The following UBQLN1 variants were observed in gnomAD, a reference collection of about 807,000 sequenced individuals.
The protein encoded by UBQLN1 is ubiquilin 1, also known as ubiquilin-1.
A neutral mutation model predicts 65.4 loss-of-function variants in UBQLN1; 13 were observed. The observed-to-expected ratio is 0.20, with a 90% CI of 0.13 to 0.32. The LOEUF (loss-of-function observed/expected upper bound fraction) is 0.32, where lower values mean the gene tolerates loss of function less well. UBQLN1 is among the 10% of genes least tolerant of loss of function. The pLI, the probability that UBQLN1 is intolerant of heterozygous loss-of-function variation, is 1.00. For missense variants in UBQLN1, 561 were observed against 724.0 expected, an observed-to-expected ratio of 0.77 and a Z score of 2.58; for synonymous variants, 267 against 247.8, an observed-to-expected ratio of 1.08 and a Z score of -0.73.
intron 4 of UBQLN1, among the ~76,000 whole-genome samples, chr9:83,679,531 T>C (rs1354472638): frequency 6.6e-6 from 1 of 152,208 alleles, no homozygotes; most frequent in Non-Finnish European, 1.5e-5. Context: ...ATTTCCCATC[T>C]CCAGCATTGG....
intron 1 of UBQLN1, among the ~76,000 whole-genome samples, chr9:83,694,595 G>A (rs774984461): frequency 3.3e-5 from 5 of 152,158 alleles, no homozygotes; most frequent in South Asian, 2.1e-4. Context: ...TTAGTGTATC[G>A]TTCAGAAAAT....
chr9:83,682,808 A>C (rs1831965771), intron 3 of UBQLN1, 143 bp downstream of exon 3: 1 of 474,278 alleles, frequency 2.1e-6, no homozygotes, highest in African/African-American at 2.0e-5. Flanking sequence ...TAATATCTAC[A>C]ATTATAGGAA....
At chr9:83,675,162 A>AC (rs1430369871) in intron 6 of UBQLN1, among the ~76,000 whole-genome samples, 4 of 152,186 alleles carry the variant, frequency 2.6e-5, no homozygotes, top group African/African-American at 9.6e-5. Flanking sequence ...GACATGCCTA[A>AC]CCACACAGAA....
chr9:83,677,278 T>C (rs1254648568), intron 6 of UBQLN1, among the ~76,000 whole-genome samples: 1 of 152,070 alleles, frequency 6.6e-6, no homozygotes, highest in African/African-American at 2.4e-5. Flanking sequence ...AAAAACAAAA[T>C]GTGACCAGGT....
intron 1 of UBQLN1, among the ~76,000 whole-genome samples, chr9:83,688,981 A>G (rs1832085198): frequency 6.6e-6 from 1 of 152,234 alleles, no homozygotes; most frequent in Admixed American, 6.5e-5. Context: ...TTTAAAGTAT[A>G]CGATTCAATG....
At chr9:83,673,660 T>G (rs747076117) in intron 6 of UBQLN1, among the ~76,000 whole-genome samples, 2 of 151,810 alleles carry the variant, frequency 1.3e-5, no homozygotes, top group African/African-American at 4.8e-5. Flanking sequence ...GAAAACTATA[T>G]GAAATTCAAA....
chr9:83,683,761 G>A (rs1398697943), intron 2 of UBQLN1, among the ~76,000 whole-genome samples: 1 of 152,098 alleles, frequency 6.6e-6, no homozygotes, highest in African/African-American at 2.4e-5. Context: ...GGTGGCTCAC[G>A]CCTGTAATCC....
Position 83,707,925 on chromosome 9 carries a change from C to T in UBQLN1, c.-246G>A. ...GTGTTCAGGCGCCGCTCGCTCACAC[C>T]GACATCCGCAGCAGCCACCGCTTCC... On this transcript the variant is annotated 5_prime_UTR_variant, in exon 1 of 11. Transcript: ENST00000376395. The T allele has an allele frequency of 3.8e-6, 2 of 519,608 alleles. No homozygotes were observed. Among genetic ancestry groups the T allele is most frequent in the Non-Finnish European group, 6.6e-6 (2 of 304,780 alleles). The allele number at this position is 519,608 out of a possible 1,614,324, so 32.2% of individuals were successfully genotyped here. A position where few individuals can be genotyped will look rare whatever the true frequency, so the allele number is the denominator to read the frequency against.
intron 1 of UBQLN1, among the ~76,000 whole-genome samples, chr9:83,699,346 TTTTTTG>T (rs1016035448): frequency 1.1e-4 from 16 of 152,180 alleles, no homozygotes; most frequent in Admixed American, 9.8e-4. Flanking sequence ...GCTCATACTG[TTTTTTG>T]TTTTTAAGAG....
At chr9:83,681,873 T>C (rs567144028) in intron 3 of UBQLN1, among the ~76,000 whole-genome samples, 38 of 152,168 alleles carry the variant, frequency 2.5e-4, no homozygotes, top group Non-Finnish European at 4.1e-4. Flanking sequence ...GGTAGAGCTA[T>C]AATACAGCAG....
intron 6 of UBQLN1, among the ~76,000 whole-genome samples, chr9:83,673,548 AAAAAAAAAAAAAAAAAAAAC>A (rs1303217643): frequency 1.0e-4 from 6 of 57,824 alleles, no homozygotes; most frequent in Admixed American, 4.0e-4. Flanking sequence ...CGGTCTTTTA[AAAAAAAAAAAAAAAAAAAAC>A]AAAAAAAAAA....
rs1473300260 is a variant in UBQLN1, at chr9:83,707,721, G to T, written c.-42C>A. 1.3e-6 allele frequency: 2 copies of T among 1,512,024 alleles called. No individual in the cohort carries two copies. Among genetic ancestry groups the T allele is most frequent in the African/African-American group, 1.4e-5 (1 of 70,276 alleles). 93.7% of individuals were successfully genotyped at this position (1,512,024 alleles called of 1,614,324 possible). Reference sequence around the variant, plus strand: ...GCGGCGGTGACTCAGGCAAGCAGGAGGGAGCAGGCGAGCAAGGAGGAGCCA... The same window carrying T: ...GCGGCGGTGACTCAGGCAAGCAGGATGGAGCAGGCGAGCAAGGAGGAGCCA... On this transcript the variant is annotated 5_prime_UTR_variant, in exon 1 of 11. Transcript: ENST00000376395.
In UBQLN1 at chr9:83,707,750, G is replaced by T; in HGVS notation, c.-71C>A. 6.7e-7 allele frequency: 1 copy of T among 1,484,992 alleles called. No individual in the cohort carries two copies. Among genetic ancestry groups the T allele is most frequent in the South Asian group, 1.3e-5 (1 of 77,858 alleles). The allele number at this position is 1,484,992 out of a possible 1,614,324, so 92.0% of individuals were successfully genotyped here. A position where few individuals can be genotyped will look rare whatever the true frequency, so the allele number is the denominator to read the frequency against. On this transcript the variant is annotated 5_prime_UTR_variant, in exon 1 of 11. It adds an upstream start codon to the 5' untranslated region. Transcript: ENST00000376395. Reference sequence around the variant, plus strand: ...GCAGGCGAGCAAGGAGGAGCCAGCAGACACCAGAGCCGGCAGGCCTGGACA... The same window carrying T: ...GCAGGCGAGCAAGGAGGAGCCAGCATACACCAGAGCCGGCAGGCCTGGACA...
intron 2 of UBQLN1, among the ~76,000 whole-genome samples, chr9:83,684,019 A>AAAACAAACAAAC (rs569457776): frequency 1.3e-5 from 2 of 151,854 alleles, no homozygotes; most frequent in East Asian, 3.9e-4. Flanking sequence ...AGACTCTTGA[A>AAAACAAACAAAC]AAACAAACAA....
At chr9:83,707,466 C>A in intron 1 of UBQLN1, 34 bp downstream of exon 1, 2 of 1,586,988 alleles carry the variant, frequency 1.3e-6, no homozygotes, top group Non-Finnish European at 1.7e-6. Flanking sequence ...CCTGCCGCCA[C>A]CCCCATCCCG....
chr9:83,670,042 G>A (rs1831705781), intron 6 of UBQLN1, among the ~76,000 whole-genome samples: 1 of 152,052 alleles, frequency 6.6e-6, no homozygotes, highest in Non-Finnish European at 1.5e-5. Context: ...TATGATTATT[G>A]TTTTTCCTTT....
chr9:83,669,709 C>A (rs1028162598), intron 6 of UBQLN1, among the ~76,000 whole-genome samples: 1 of 152,172 alleles, frequency 6.6e-6, no homozygotes, highest in South Asian at 2.1e-4. Context: ...GAATCATATT[C>A]GGCACTTAAT....
chr9:83,698,999 CA>C (rs1400575461), intron 1 of UBQLN1, among the ~76,000 whole-genome samples: 1 of 151,548 alleles, frequency 6.6e-6, no homozygotes, highest in African/African-American at 2.4e-5. Flanking sequence ...AAGTTAATCA[CA>C]AAAGGCCAAA....
chr9:83,683,473 A>G (rs1231071975), intron 2 of UBQLN1, among the ~76,000 whole-genome samples: 1 of 151,816 alleles, frequency 6.6e-6, no homozygotes, highest in East Asian at 1.9e-4. Context: ...AATAAAGGGT[A>G]AACTCTCAGA....
Sources: gnomAD v4.1 joint callset for allele counts (sites outside exome capture counted in the v4.1 genomes callset) on GRCh38, gnomAD v4.1.1 for gene constraint, MANE v1.5 for transcripts, NCBI Gene and HGNC (gene_info 2026-07-23, HGNC 2026-07-21) for gene names.